APPL2: variants seen among roughly 807,000 people sequenced by gnomAD.
APPL2 encodes the protein DCC-interacting protein 13-beta.
Under a neutral mutation model 92.7 loss-of-function variants are expected in APPL2, and 84 were observed. The ratio of observed to expected loss-of-function variants is 0.91; its 90% CI spans 0.76 to 1.09. APPL2 has a LOEUF of 1.09. Ranked by LOEUF, APPL2 falls within the 50% of genes least tolerant of loss-of-function variation. The pLI, the probability that APPL2 is intolerant of heterozygous loss-of-function variation, is 0.00. For missense variants in APPL2, 736 were observed against 824.5 expected (o/e 0.89, Z 1.31); for synonymous variants, 291 against 291.0 (o/e 1.00, Z 0.00).
intron 17 of APPL2, among the ~76,000 whole-genome samples, chr12:105,185,372 T>C (rs1886508281): frequency 6.6e-6 from 1 of 152,166 alleles, no homozygotes; most frequent in African/African-American, 2.4e-5. Context: ...CCTTGAAACT[T>C]AGGGCCCTGG....
chr12:105,199,248 G>T, intron 10 of APPL2, 125 bp downstream of exon 10: 3 of 1,147,662 alleles, frequency 2.6e-6, no homozygotes, highest in Non-Finnish European at 3.7e-6. Flanking sequence ...CTGCTGTGAT[G>T]GGAGTTCTTC....
rs1241680232 is a variant in APPL2, at chr12:105,189,741, AAAG to A, written c.1459+28_1459+30del. 2.5e-6 allele frequency: 4 copies of A among 1,608,604 alleles called. No individual in the cohort carries two copies. The African/African-American group carries it at 5.3e-5, about 22-fold the overall frequency. ...TGGCCGTTGTCATTTTGTGCAGAGG[AAAG>A]AATAAGGACACCAAACTAGTCACTT... On this transcript the variant is annotated intron_variant, in intron 16 of 20. Coordinates refer to ENST00000258530, the MANE Select transcript of APPL2 (RefSeq NM_018171.5).
chr12:105,200,908 T>TC (rs1469398799), intron 9 of APPL2, among the ~76,000 whole-genome samples: 6 of 150,996 alleles, frequency 4.0e-5, no homozygotes, highest in South Asian at 2.1e-4. Flanking sequence ...ATCTATCCTA[T>TC]CTATCTAATC....
At chr12:105,178,151 C>A (rs1355645758) in intron 17 of APPL2, among the ~76,000 whole-genome samples, 1 of 152,018 alleles carries the variant, frequency 6.6e-6, no homozygotes, top group East Asian at 1.9e-4. Flanking sequence ...TTGACATATC[C>A]TAGAAAATAA....
chr12:105,205,203 A>G (rs1322303046), intron 8 of APPL2, among the ~76,000 whole-genome samples: 1 of 152,098 alleles, frequency 6.6e-6, no homozygotes, highest in Non-Finnish European at 1.5e-5. Context: ...CCAGAAGATC[A>G]CTCCACGGTG....
rs1379427127 is a variant in APPL2, at chr12:105,197,756, G to A, written c.1052+9C>T. 2 of 1,614,126 alleles carry A rather than the reference G, an allele frequency of 1.2e-6. No individual in the cohort carries two copies. The highest frequency in any genetic ancestry group is 1.1e-5 in the South Asian group (1 of 91,072). ...CATTCTCCTCCCAAATAAAACGCGT[G>A]AAACATACGATTTTCCATTGGGCGT... is the stretch of plus-strand genomic sequence containing the variant. On this transcript the variant is annotated intron_variant, in intron 11 of 20. Coordinates refer to ENST00000258530, the MANE Select transcript of APPL2 (RefSeq NM_018171.5).
chr12:105,235,986 T>G lies in APPL2; in HGVS notation c.27A>C (p.Leu9=). The part of the protein sequence containing the change: MPAVDKLL[L]EEALQDSPQT... ...GGGGGCTGTCCTGCAACGCCTCCTC[T>G]AGCAGGAGCTTGTCCACGGCGGGCA... The change falls in exon 1 of 21, where the codon CTA becomes CTC. Residue 9 remains leucine (L), a synonymous_variant. Coordinates refer to ENST00000258530, the MANE Select transcript of APPL2 (RefSeq NM_018171.5). The G allele has an allele frequency of 8.0e-7, 1 of 1,250,978 alleles. No homozygotes were observed. Among genetic ancestry groups the G allele is most frequent in the Non-Finnish European group, 1.0e-6 (1 of 989,352 alleles). 77.5% of individuals were successfully genotyped at this position (1,250,978 alleles called of 1,614,324 possible). A position where few individuals can be genotyped will look rare whatever the true frequency, so the allele number is the denominator to read the frequency against.
Position 105,203,869 on chromosome 12 carries a change from G to A in APPL2, c.622-84C>T. 3 of 1,246,644 alleles carry A rather than the reference G, an allele frequency of 2.4e-6. No individual in the cohort carries two copies. In the Admixed American group the frequency reaches 5.2e-5, roughly 22 times the overall value. The allele number at this position is 1,246,644 out of a possible 1,614,324, so 77.2% of individuals were successfully genotyped here. On this transcript the variant is annotated intron_variant, in intron 8 of 20. Coordinates refer to ENST00000258530, the MANE Select transcript of APPL2 (RefSeq NM_018171.5). ...CTGAAGGTGAGACAGGCAGCGTGAG[G>A]GCAGCCATCACAGCTGGCTGGCCCG...
intron 14 of APPL2, among the ~76,000 whole-genome samples, chr12:105,193,187 T>G (rs928698475): frequency 3.3e-5 from 5 of 152,228 alleles, no homozygotes; most frequent in Admixed American, 6.5e-5. Context: ...GTGACTTGCT[T>G]ATTCTAGAAT....
rs1460359214 is a variant in APPL2, at chr12:105,207,636, G to T, written c.474+335C>A. On this transcript the variant is annotated intron_variant, in intron 7 of 20. Coordinates refer to ENST00000258530, the MANE Select transcript of APPL2 (RefSeq NM_018171.5). The stretch of plus-strand genomic sequence containing the variant: ...TCTAGAGTAGCGAAGGTCCTAGAAA[G>T]CATGGGTTAAAGAATCAGAGTCAAC... 2.6e-5 allele frequency among the ~76,000 whole-genome samples: 4 copies of T among 152,206 alleles called. No homozygotes were observed. The East Asian group carries it at 7.7e-4, about 29-fold the overall frequency.
chr12:105,190,485 C>T (rs1168375867), intron 14 of APPL2, among the ~76,000 whole-genome samples: 1 of 152,172 alleles, frequency 6.6e-6, no homozygotes, highest in Non-Finnish European at 1.5e-5. Flanking sequence ...ATAGTAGGCA[C>T]TAAAAAATGT....
rs374398537 is a variant in APPL2 at position 105,176,022 on chromosome 12, G to A, written c.1860+13C>T. 2.5e-5 allele frequency: 39 copies of A among 1,574,264 alleles called. No homozygotes were observed. The highest frequency in any genetic ancestry group is 3.3e-5 in the Non-Finnish European group (39 of 1,164,274). On this transcript the variant is annotated intron_variant, in intron 20 of 20. Coordinates refer to ENST00000258530, the MANE Select transcript of APPL2 (RefSeq NM_018171.5). ...TTGAGTAGCTACTAAACCAGCGCTA[G>A]AATGCATCTTACCTTCTGAACCTCA...
chr12:105,201,051 G>C lies in APPL2; in HGVS notation c.705-1520C>G, dbSNP rs561238033. Among the ~76,000 whole-genome samples, 13 of 152,244 alleles carry C rather than the reference G, an allele frequency of 8.5e-5. No homozygotes were observed. In the South Asian group the frequency reaches 2.3e-3, roughly 27 times the overall value. ...AGCCTCCCAAACAGCTGGGATTACA[G>C]GCATGCACCACCACACCCAGCTCAT... On this transcript the variant is annotated intron_variant, in intron 9 of 20. Coordinates refer to ENST00000258530, the MANE Select transcript of APPL2 (RefSeq NM_018171.5).
intron 7 of APPL2, 137 bp downstream of exon 7, chr12:105,207,834 A>T: frequency 1.4e-6 from 1 of 725,016 alleles, no homozygotes; most frequent in South Asian, 1.8e-5. Context: ...GAGATTTGGA[A>T]TGAACAATTT....
chr12:105,176,811 A>T, intron 19 of APPL2, 65 bp downstream of exon 19: 1 of 1,566,772 alleles, frequency 6.4e-7, no homozygotes, highest in Non-Finnish European at 8.7e-7. Context: ...GTAATGCCAG[A>T]AAACTCTTTT....
chr12:105,184,587 G>A (rs1165081580), intron 17 of APPL2, among the ~76,000 whole-genome samples: 2 of 152,224 alleles, frequency 1.3e-5, no homozygotes, highest in Non-Finnish European at 2.9e-5. Flanking sequence ...AGTGGAGGCT[G>A]CAGAATAGCA....
At chr12:105,211,480 G>C (rs1022884748) in intron 4 of APPL2, among the ~76,000 whole-genome samples, 163 bp from the exon 5 acceptor site, 1 of 152,200 alleles carries the variant, frequency 6.6e-6, no homozygotes, top group Non-Finnish European at 1.5e-5. Context: ...AATGATATTG[G>C]CCTAGAAGCA....
chr12:105,219,015 A>G (rs1216927165), intron 2 of APPL2, among the ~76,000 whole-genome samples: 1 of 152,216 alleles, frequency 6.6e-6, no homozygotes, highest in Admixed American at 6.5e-5. Context: ...ACATTTCTAA[A>G]GCTCAGTTAA....
intron 5 of APPL2, among the ~76,000 whole-genome samples, chr12:105,208,858 G>A (rs887844989): frequency 3.3e-5 from 5 of 152,108 alleles, no homozygotes; most frequent in East Asian, 1.9e-4. Context: ...AAAACCCAAC[G>A]ATTGATACCT....
Sources: gnomAD v4.1 joint callset for allele counts (sites outside exome capture counted in the v4.1 genomes callset) on GRCh38, gnomAD v4.1.1 for gene constraint, MANE v1.5 for transcripts, NCBI Gene and HGNC (gene_info 2026-07-23, HGNC 2026-07-21) for gene names.